The following STK3 variants were observed in gnomAD, a reference collection of about 807,000 sequenced individuals.
The protein encoded by STK3 is serine/threonine-protein kinase 3.
Under a neutral mutation model 58.0 loss-of-function variants are expected in STK3, and 41 were observed. That is an observed-to-expected ratio of 0.71 (90% CI 0.55 to 0.92). The LOEUF is 0.92. STK3 is among the 40% of genes least tolerant of loss of function. The probability of loss-of-function intolerance (pLI) is 0.00; values close to 1 mark genes in which losing one functional copy is unlikely to be tolerated. For synonymous variants in STK3, 170 were observed against 191.0 expected, an observed-to-expected ratio of 0.89 and a Z score of 0.91; for missense variants, 479 against 602.7, an observed-to-expected ratio of 0.79 and a Z score of 2.15.
At chr8:98,506,172 A>G (rs1824055262) in intron 10 of STK3, among the ~76,000 whole-genome samples, 1 of 152,218 alleles carries the variant, frequency 6.6e-6, no homozygotes, top group South Asian at 2.1e-4. Flanking sequence ...ACTAGCAGTG[A>G]GCAAGGCTCC....
intron 6 of STK3, among the ~76,000 whole-genome samples, chr8:98,644,334 TA>T (rs1554641119): frequency 6.6e-6 from 1 of 152,206 alleles, no homozygotes; most frequent in Non-Finnish European, 1.5e-5. Context: ...CTCATTTCAA[TA>T]AACTGTTATT....
At chr8:98,435,619 T>C (rs1818458551) in intron 2 of STK3, among the ~76,000 whole-genome samples, 1 of 151,964 alleles carries the variant, frequency 6.6e-6, no homozygotes, top group Non-Finnish European at 1.5e-5. Flanking sequence ...TCTGCAGGAC[T>C]CCATCAGTGA....
At chr8:98,894,597 A>G (rs921545665) in intron 1 of STK3, among the ~76,000 whole-genome samples, 1 of 152,176 alleles carries the variant, frequency 6.6e-6, no homozygotes, top group African/African-American at 2.4e-5. Flanking sequence ...CTATCTACTT[A>G]TTATTTCTCA....
At chr8:98,623,582 G>A (rs1228414883) in intron 6 of STK3, among the ~76,000 whole-genome samples, 1 of 152,188 alleles carries the variant, frequency 6.6e-6, no homozygotes, top group Non-Finnish European at 1.5e-5. Flanking sequence ...CCAGGAGTTT[G>A]AGAACAGCCT....
intron 10 of STK3, among the ~76,000 whole-genome samples, chr8:98,463,268 A>G (rs1333851254): frequency 6.6e-6 from 1 of 152,200 alleles, no homozygotes; most frequent in Non-Finnish European, 1.5e-5. Context: ...GGTTTGGTAC[A>G]TGAGTGACAG....
chr8:98,471,710 G>A (rs1446532246), intron 10 of STK3, among the ~76,000 whole-genome samples: 2 of 152,130 alleles, frequency 1.3e-5, no homozygotes, highest in Non-Finnish European at 2.9e-5. Flanking sequence ...ACCTGGGACT[G>A]TCTGTAATTC....
At chr8:98,793,031 C>G (rs770045361) in intron 1 of STK3, among the ~76,000 whole-genome samples, 1 of 151,936 alleles carries the variant, frequency 6.6e-6, no homozygotes, top group Non-Finnish European at 1.5e-5. Context: ...TCACAGCAAC[C>G]TAGAGGAGAT....
intron 6 of STK3, among the ~76,000 whole-genome samples, chr8:98,655,241 C>T (rs200563772): frequency 1.1e-4 from 17 of 152,154 alleles, no homozygotes; most frequent in South Asian, 6.2e-4. Flanking sequence ...GGGAAAGGAT[C>T]CCCTATTTAA....
At chr8:98,665,191 T>G (rs78869317) in intron 6 of STK3, among the ~76,000 whole-genome samples, 197 of 152,338 alleles carry the variant, frequency 1.3e-3, no homozygotes, top group African/African-American at 3.9e-3. Flanking sequence ...GTATTACATC[T>G]TTTTTACAGA....
At chr8:98,413,930 G>C (rs912110226) in intron 3 of STK3, 2 of 417,026 alleles carry the variant, frequency 4.8e-6, no homozygotes, top group Admixed American at 3.6e-5. Flanking sequence ...ATTTGATTCT[G>C]TGTGTGGTAC....
At chr8:98,608,338 A>G (rs573380193) in intron 6 of STK3, among the ~76,000 whole-genome samples, 2 of 152,126 alleles carry the variant, frequency 1.3e-5, no homozygotes, top group African/African-American at 4.8e-5. Flanking sequence ...TGGGTCCTCA[A>G]TTCTTTAAAG....
intron 10 of STK3, among the ~76,000 whole-genome samples, chr8:98,477,994 T>G (rs1356231941): frequency 6.6e-6 from 1 of 152,060 alleles, no homozygotes; most frequent in Non-Finnish European, 1.5e-5. Context: ...CTCTAGAGTC[T>G]TGAGCATAGA....
intron 6 of STK3, among the ~76,000 whole-genome samples, chr8:98,663,806 G>A (rs1334213867): frequency 6.6e-6 from 1 of 152,190 alleles, no homozygotes; most frequent in African/African-American, 2.4e-5. Context: ...TCACTCATAG[G>A]TGGGAACTGA....
intron 1 of STK3, among the ~76,000 whole-genome samples, chr8:98,780,785 G>T (rs2131526745): frequency 6.6e-6 from 1 of 152,178 alleles, no homozygotes; most frequent in South Asian, 2.1e-4. Flanking sequence ...ATAATTTTTG[G>T]TGTCATCAGC....
intron 3 of STK3, among the ~76,000 whole-genome samples, chr8:98,853,074 T>G (rs936336851): frequency 2.0e-5 from 3 of 151,932 alleles, no homozygotes. Context: ...TAGTCATGTG[T>G]AGTTCTAAGG....
chr8:98,568,110 T>TAGATAGAC (rs1357181533), intron 8 of STK3, among the ~76,000 whole-genome samples: 1 of 143,902 alleles, frequency 6.9e-6, no homozygotes, highest in East Asian at 2.0e-4. Context: ...GATAGATAGA[T>TAGATAGAC]AGACTGATTT....
intron 3 of STK3, among the ~76,000 whole-genome samples, chr8:98,838,282 ATAAAC>A (rs1417232453): frequency 1.2e-4 from 19 of 152,244 alleles, no homozygotes; most frequent in Admixed American, 7.2e-4. Flanking sequence ...CCTAAACTCT[ATAAAC>A]TAATGTTTCT....
chr8:98,390,763 G>A (rs1474859796), upstream of STK3, among the ~76,000 whole-genome samples: 5 of 151,852 alleles, frequency 3.3e-5, no homozygotes, highest in Admixed American at 1.3e-4. Context: ...ATTAGGTCAT[G>A]GTTATTTATT....
chr8:98,653,769 C>G (rs1587174891), intron 6 of STK3, among the ~76,000 whole-genome samples: 1 of 152,270 alleles, frequency 6.6e-6, no homozygotes, highest in Admixed American at 6.5e-5. Flanking sequence ...TACACCCTCC[C>G]AAGACTAAAC....
Sources: gnomAD v4.1 joint callset for allele counts (sites outside exome capture counted in the v4.1 genomes callset) on GRCh38, gnomAD v4.1.1 for gene constraint, MANE v1.5 for transcripts, NCBI Gene and HGNC (gene_info 2026-07-23, HGNC 2026-07-21) for gene names.